EPB41L5: variants seen among roughly 807,000 people sequenced by gnomAD.
The protein encoded by EPB41L5 is band 4.1-like protein 5.
In EPB41L5, 55 loss-of-function variants were observed where a neutral mutation model predicts 106.6. The observed-to-expected ratio is 0.52, with a 90% CI of 0.42 to 0.65. The LOEUF is 0.65. Among genes scored for constraint, EPB41L5 ranks in the 30% least tolerant of loss-of-function variants. The probability of loss-of-function intolerance (pLI) is 0.00; values close to 1 mark genes in which losing one functional copy is unlikely to be tolerated. For missense variants in EPB41L5, 871 were observed against 882.1 expected, an observed-to-expected ratio of 0.99 and a Z score of 0.16; for synonymous variants, 297 against 306.7, an observed-to-expected ratio of 0.97 and a Z score of 0.33.
intron 3 of EPB41L5, among the ~76,000 whole-genome samples, chr2:120,069,268 G>A (rs557184717): frequency 6.6e-6 from 1 of 150,794 alleles, no homozygotes; most frequent in East Asian, 2.0e-4. Flanking sequence ...GCAACAAGAA[G>A]AGCTAACCTA....
intron 18 of EPB41L5, among the ~76,000 whole-genome samples, chr2:120,137,123 A>C (rs999030710): frequency 1.3e-5 from 2 of 152,120 alleles, no homozygotes; most frequent in Non-Finnish European, 2.9e-5. Flanking sequence ...CCAAATGACC[A>C]GTGGGTCAAT....
chr2:120,075,767 AT>A lies in EPB41L5; in HGVS notation c.505+15del, dbSNP rs1472599460. 6.3e-7 allele frequency: 1 copy of A among 1,599,146 alleles called. No individual in the cohort carries two copies. The highest frequency in any genetic ancestry group is 2.2e-5 in the East Asian group (1 of 44,722). On this transcript the variant is annotated intron_variant, in intron 7 of 24. Transcript: ENST00000263713. ...ATAATCTGCAAGGTAAGCAATTCTT[AT>A]GTTGACTGTTAAGACTCAAGTATAA...
intron 18 of EPB41L5, among the ~76,000 whole-genome samples, chr2:120,140,921 AGAAAACCTACT>A (rs1423063397): frequency 1.3e-5 from 2 of 152,098 alleles, no homozygotes; most frequent in African/African-American, 2.4e-5. Flanking sequence ...AATTTTAGGA[AGAAAACCTACT>A]GAAAATAAAA....
chr2:120,102,208 AT>A (rs1237182957), intron 16 of EPB41L5, among the ~76,000 whole-genome samples: 1 of 152,204 alleles, frequency 6.6e-6, no homozygotes, highest in Non-Finnish European at 1.5e-5. Context: ...GTTTTTCCAT[AT>A]GAATAGGTAC....
intron 3 of EPB41L5, among the ~76,000 whole-genome samples, chr2:120,069,946 A>G (rs1342077920): frequency 1.3e-5 from 2 of 152,310 alleles, no homozygotes; most frequent in African/African-American, 4.8e-5. Flanking sequence ...AGCTAGCAGA[A>G]GAAATAACTA....
rs762449098 is a variant in EPB41L5 at position 120,087,155 on chromosome 2, T to C, written c.804-16T>C. 57 of 1,489,756 alleles carry C rather than the reference T, an allele frequency of 3.8e-5. No individual in the cohort carries two copies. The highest frequency in any genetic ancestry group is 5.1e-5 in the Non-Finnish European group (55 of 1,083,974). 92.3% of individuals were successfully genotyped at this position (1,489,756 alleles called of 1,614,324 possible). A position where few individuals can be genotyped will look rare whatever the true frequency, so the allele number is the denominator to read the frequency against. Reference sequence around the variant, plus strand: ...TTTGTTTGTAATTTGGCTTTTATTCTCTTATTATATTATAGGCCGAAGATA... The same window carrying C: ...TTTGTTTGTAATTTGGCTTTTATTCCCTTATTATATTATAGGCCGAAGATA... On this transcript the variant is annotated splice_polypyrimidine_tract_variant and intron_variant, in intron 10 of 24. Transcript: ENST00000263713.
At chr2:120,038,853 C>G (rs184219181) in intron 2 of EPB41L5, among the ~76,000 whole-genome samples, 7 of 152,324 alleles carry the variant, frequency 4.6e-5, no homozygotes, top group Admixed American at 2.0e-4. Flanking sequence ...AAAGCAGGGA[C>G]TCAAACAGAT....
intron 3 of EPB41L5, among the ~76,000 whole-genome samples, chr2:120,065,627 A>G (rs1443867852): frequency 1.3e-5 from 2 of 149,784 alleles, no homozygotes; most frequent in African/African-American, 4.9e-5. Context: ...AGCGACTCTC[A>G]TGCCTCAGCC....
At chr2:120,146,939 A>C (rs1356848347) in intron 20 of EPB41L5, among the ~76,000 whole-genome samples, 1 of 152,236 alleles carries the variant, frequency 6.6e-6, no homozygotes, top group Non-Finnish European at 1.5e-5. Context: ...CGCAGTCAAC[A>C]TGGCACCACA....
chr2:120,114,998 G>A (rs1180641769), intron 16 of EPB41L5, among the ~76,000 whole-genome samples: 1 of 152,072 alleles, frequency 6.6e-6, no homozygotes, highest in Non-Finnish European at 1.5e-5. Context: ...TTTTCCTTTT[G>A]TCATTGTAAA....
At chr2:120,127,547 TTTTTA>T in intron 16 of EPB41L5, 136 bp from the exon 17 acceptor site, 1 of 621,688 alleles carries the variant, frequency 1.6e-6, no homozygotes, top group South Asian at 3.1e-5. Flanking sequence ...GTTTTTTTAA[TTTTTA>T]TTTTTGTTTT....
chr2:120,062,632 ATATT>A (rs1681162104), intron 3 of EPB41L5, among the ~76,000 whole-genome samples: 1 of 152,192 alleles, frequency 6.6e-6, no homozygotes, highest in Non-Finnish European at 1.5e-5. Flanking sequence ...GTTTCAGTTA[ATATT>A]TATTGCTACA....
chr2:120,141,034 C>A (rs1686149758), intron 18 of EPB41L5, among the ~76,000 whole-genome samples: 1 of 152,104 alleles, frequency 6.6e-6, no homozygotes, highest in South Asian at 2.1e-4. Context: ...AAGGCTCAGA[C>A]TAGCACTACT....
At chr2:120,129,861 C>G (rs925170726) in intron 17 of EPB41L5, among the ~76,000 whole-genome samples, 2 of 152,098 alleles carry the variant, frequency 1.3e-5, no homozygotes, top group Non-Finnish European at 2.9e-5. Flanking sequence ...GAAATAGGTT[C>G]CTGGCCAAGC....
intron 18 of EPB41L5, among the ~76,000 whole-genome samples, chr2:120,142,113 TAAAAAAA>T (rs59204598): frequency 0.013 from 1,847 of 143,098 alleles, 35 homozygotes; most frequent in African/African-American, 0.038. Flanking sequence ...CTTTCTTTTT[TAAAAAAA>T]AAAAAAAAAA....
chr2:120,088,082 C>T (rs1683185195), intron 11 of EPB41L5, among the ~76,000 whole-genome samples: 1 of 152,142 alleles, frequency 6.6e-6, no homozygotes, highest in South Asian at 2.1e-4. Context: ...AAAATGTTAA[C>T]AGTTGTTGAG....
chr2:120,120,595 T>TA (rs1553510254), intron 16 of EPB41L5, among the ~76,000 whole-genome samples: 65 of 151,408 alleles, frequency 4.3e-4, no homozygotes, highest in East Asian at 1.7e-3. Context: ...GGTGCTTTTT[T>TA]TAAAAAAAAC....
intron 2 of EPB41L5, among the ~76,000 whole-genome samples, chr2:120,039,843 A>G (rs1410990664): frequency 1.3e-5 from 2 of 151,586 alleles, no homozygotes; most frequent in African/African-American, 4.8e-5. Context: ...AAAAAAAAAA[A>G]AAAAGAAGAA....
At chr2:120,164,000 T>TTTTTTTTTTTTTTTG (rs1558915861) in intron 21 of EPB41L5, among the ~76,000 whole-genome samples, 1 of 133,692 alleles carries the variant, frequency 7.5e-6, no homozygotes. Flanking sequence ...TTTTTTTTTT[T>TTTTTTTTTTTTTTTG]GAGATGGAGT....
Sources: allele counts gnomAD v4.1 joint callset (sites outside exome capture counted in the v4.1 genomes callset), GRCh38; gene constraint gnomAD v4.1.1; transcripts MANE v1.5; gene names NCBI Gene and HGNC (gene_info 2026-07-23, HGNC 2026-07-21).